CTNNA3: variants seen among roughly 807,000 people sequenced by gnomAD.
CTNNA3 encodes the protein catenin alpha 3.
In CTNNA3, 76 loss-of-function variants were observed where a neutral mutation model predicts 95.7. That is an observed-to-expected ratio of 0.79 (90% CI 0.66 to 0.96). CTNNA3 has a LOEUF of 0.96. CTNNA3 is among the 40% of genes least tolerant of loss of function. The pLI is 0.00. For synonymous variants in CTNNA3, 431 were observed against 374.4 expected (o/e 1.15, Z -1.74); for missense variants, 1,191 against 1,089.8 (o/e 1.09, Z -1.31).
At chr10:67,253,352 T>C (rs1239621216) in intron 5 of CTNNA3, among the ~76,000 whole-genome samples, 1 of 152,238 alleles carries the variant, frequency 6.6e-6, no homozygotes, top group Non-Finnish European at 1.5e-5. Context: ...TATTTATTTC[T>C]AGATTTTTCA....
intron 1 of CTNNA3, among the ~76,000 whole-genome samples, chr10:67,762,204 GAT>G (rs1841465592): frequency 3.0e-5 from 1 of 33,146 alleles, no homozygotes; most frequent in Non-Finnish European, 1.7e-4. Flanking sequence ...AAAAAAAAAA[GAT>G]TATTTCACTG....
At chr10:67,225,034 G>T (rs1261932270) in intron 5 of CTNNA3, among the ~76,000 whole-genome samples, 1 of 152,176 alleles carries the variant, frequency 6.6e-6, no homozygotes, top group African/African-American at 2.4e-5. Flanking sequence ...GCTGTTTGGG[G>T]GCACGGTGGG....
At chr10:67,133,611 A>T (rs902576959) in intron 7 of CTNNA3, among the ~76,000 whole-genome samples, 1 of 151,828 alleles carries the variant, frequency 6.6e-6, no homozygotes, top group African/African-American at 2.4e-5. Flanking sequence ...TAACAGGCTT[A>T]AGGGAAAAAA....
chr10:67,434,223 C>T (rs550132022), intron 5 of CTNNA3, among the ~76,000 whole-genome samples: 28 of 152,086 alleles, frequency 1.8e-4, no homozygotes, highest in South Asian at 1.2e-3. Flanking sequence ...TGTTAACTTG[C>T]AAGCTGAGTA....
chr10:66,933,922 T>C (rs1490159462), intron 7 of CTNNA3, among the ~76,000 whole-genome samples: 1 of 152,142 alleles, frequency 6.6e-6, no homozygotes, highest in African/African-American at 2.4e-5. Flanking sequence ...TGAGTTCCTA[T>C]GGCATATCTA....
chr10:67,587,100 C>T (rs1380260219), intron 3 of CTNNA3, among the ~76,000 whole-genome samples: 1 of 152,108 alleles, frequency 6.6e-6, no homozygotes, highest in Admixed American at 6.6e-5. Flanking sequence ...TCACAACTCA[C>T]TACAGCCTCT....
chr10:66,336,023 T>C (rs1272316802), intron 12 of CTNNA3, among the ~76,000 whole-genome samples: 1 of 152,088 alleles, frequency 6.6e-6, no homozygotes, highest in African/African-American at 2.4e-5. Context: ...TGTAGGACCC[T>C]CCAAGACAGG....
chr10:67,457,879 T>A (rs1847231368), intron 5 of CTNNA3, among the ~76,000 whole-genome samples: 1 of 152,138 alleles, frequency 6.6e-6, no homozygotes. Context: ...CCCACCCAGG[T>A]AATCCAGGAT....
intron 7 of CTNNA3, among the ~76,000 whole-genome samples, chr10:67,150,132 C>T (rs1251263075): frequency 1.3e-5 from 2 of 152,112 alleles, no homozygotes; most frequent in East Asian, 3.8e-4. Flanking sequence ...TTTAATGTTA[C>T]TTAATCTAAG....
intron 10 of CTNNA3, among the ~76,000 whole-genome samples, chr10:66,608,720 A>G (rs531750090): frequency 6.6e-6 from 1 of 152,300 alleles, no homozygotes; most frequent in African/African-American, 2.4e-5. Flanking sequence ...TGGTGCTGAG[A>G]TAACTGGCTA....
intron 7 of CTNNA3, among the ~76,000 whole-genome samples, chr10:67,145,770 T>A (rs986334888): frequency 2.0e-5 from 3 of 152,170 alleles, no homozygotes; most frequent in African/African-American, 7.2e-5. Flanking sequence ...AAATATATAT[T>A]TGAAATATTT....
At chr10:66,853,972 C>A (rs757094982) in intron 7 of CTNNA3, among the ~76,000 whole-genome samples, 2 of 152,032 alleles carry the variant, frequency 1.3e-5, no homozygotes, top group African/African-American at 4.8e-5. Flanking sequence ...AAATAAAAAG[C>A]CGCTATTTAA....
chr10:66,165,185 T>C (rs750979323), intron 13 of CTNNA3, among the ~76,000 whole-genome samples: 1 of 152,122 alleles, frequency 6.6e-6, no homozygotes, highest in Non-Finnish European at 1.5e-5. Context: ...AAATATCACA[T>C]GTTGTCACTT....
chr10:66,130,115 C>A (rs190434256), intron 13 of CTNNA3, among the ~76,000 whole-genome samples: 6 of 152,168 alleles, frequency 3.9e-5, no homozygotes, highest in Non-Finnish European at 5.9e-5. Context: ...CAGCCCTGAG[C>A]GGCCACCATG....
intron 2 of CTNNA3, among the ~76,000 whole-genome samples, chr10:67,621,781 T>G (rs1589499874): frequency 6.7e-6 from 1 of 148,850 alleles, no homozygotes. Flanking sequence ...AAGAAAACGG[T>G]CAGTCTAGAA....
chr10:66,199,778 TATATATATATATATATATATA>T (rs2087214982), intron 13 of CTNNA3, among the ~76,000 whole-genome samples: 1 of 8,864 alleles, frequency 1.1e-4, no homozygotes, highest in African/African-American at 3.7e-4. Context: ...TATATATATA[TATATATATATATATATATATA>T]TATATATTTT....
rs41313840 is a variant in CTNNA3 at position 65,920,445 on chromosome 10, A to G, written c.2573T>C (p.Leu858Ser). ...TTCCTCTGGCTTCTCTCTTTTAATC[A>G]AGGGTTTTTTTGCAGGAGCCTTCAT... is the stretch of plus-strand genomic sequence containing the variant. ...WRMKAPAKKP[L>S]IKREKPEETC... The change falls in exon 18 of 18, where the codon TTG (leucine) becomes TCG (serine). Residue 858 changes from leucine (L) to serine (S), a missense_variant. Physicochemically the swap from Leu to Ser is moderately radical, Grantham distance 145. Transcript: ENST00000433211. 5.4e-4 allele frequency: 865 copies of G among 1,613,982 alleles called. 2 individuals carry two copies. Among genetic ancestry groups the G allele is most frequent in the South Asian group, 1.1e-3 (104 of 91,064 alleles).
intron 7 of CTNNA3, among the ~76,000 whole-genome samples, chr10:66,878,809 C>T (rs1844731011): frequency 6.6e-6 from 1 of 152,162 alleles, no homozygotes; most frequent in Non-Finnish European, 1.5e-5. Flanking sequence ...GGGACACCTA[C>T]TGCCAAAATT....
In CTNNA3 at chr10:67,738,688, GA is replaced by G. The variant is rs528909894; in HGVS notation, c.-2+24745del. Among the ~76,000 whole-genome samples, 862 of 143,194 alleles carry G rather than the reference GA, an allele frequency of 6.0e-3. 3 individuals carry two copies. Among genetic ancestry groups the G allele is most frequent in the Non-Finnish European group, 7.5e-3 (487 of 65,128 alleles). The allele number at this position is 143,194 out of a possible 152,430, so 93.9% of individuals were successfully genotyped here. On this transcript the variant is annotated intron_variant, in intron 1 of 17. Transcript: ENST00000684154. ...CCCATGACAAAGAAGTTAAAACCTTGAAAAAAAAAAAATTAGACGAATGGCT... is the reference window on the plus strand; with the variant it reads ...CCCATGACAAAGAAGTTAAAACCTTGAAAAAAAAAAATTAGACGAATGGCT...
Sources: allele counts gnomAD v4.1 joint callset (sites outside exome capture counted in the v4.1 genomes callset), GRCh38; gene constraint gnomAD v4.1.1; transcripts MANE v1.5; gene names NCBI Gene and HGNC (gene_info 2026-07-23, HGNC 2026-07-21).